Variants in PARM1 observed in about 807,000 individuals in gnomAD.
PARM1 encodes WSC4, cell wall integrity and stress response component 4 homolog.
A neutral mutation model predicts 24.6 loss-of-function variants in PARM1; 14 were observed. The ratio of observed to expected loss-of-function variants is 0.57; its 90% CI spans 0.38 to 0.89. PARM1 has a LOEUF of 0.89. Ranked by LOEUF, PARM1 falls within the 40% of genes least tolerant of loss-of-function variation. The pLI, the probability that PARM1 is intolerant of heterozygous loss-of-function variation, is 0.00. For synonymous variants in PARM1, 179 were observed against 156.6 expected (o/e 1.14, Z -1.07); for missense variants, 362 against 380.4 (o/e 0.95, Z 0.40).
chr4:74,992,817 T>C (rs1243042071), intron 1 of PARM1, among the ~76,000 whole-genome samples: 1 of 152,130 alleles, frequency 6.6e-6, no homozygotes, highest in Admixed American at 6.6e-5. Flanking sequence ...AATGCAGTTA[T>C]CAGATAAGCA....
At chr4:75,000,732 G>A (rs769096055) in intron 1 of PARM1, among the ~76,000 whole-genome samples, 2 of 152,242 alleles carry the variant, frequency 1.3e-5, no homozygotes, top group African/African-American at 4.8e-5. Flanking sequence ...GAAATGGATT[G>A]GAAGTGGCTG....
At position 74,989,282 on chromosome 4, in the gene PARM1, C is replaced by T. The variant is rs576161460; in HGVS notation, c.44-23143C>T. 3.1e-4 allele frequency among the ~76,000 whole-genome samples: 47 copies of T among 152,264 alleles called. No homozygotes were observed. In the South Asian group the frequency reaches 9.3e-3, roughly 30 times the overall value. On this transcript the variant is annotated intron_variant, in intron 1 of 3. Coordinates refer to ENST00000307428, the MANE Select transcript of PARM1 (RefSeq NM_015393.4). ...CTGCCCCTACTTCAGACAGCAATCC[C>T]AGGAACTAAGTTGCTATTTATACTT...
At chr4:74,999,368 C>A (rs1722635066) in intron 1 of PARM1, among the ~76,000 whole-genome samples, 1 of 152,160 alleles carries the variant, frequency 6.6e-6, no homozygotes. Flanking sequence ...ACAAAACAGA[C>A]CATCTGTGGG....
At chr4:74,996,343 T>A (rs769270654) in intron 1 of PARM1, among the ~76,000 whole-genome samples, 1 of 152,236 alleles carries the variant, frequency 6.6e-6, no homozygotes, top group Non-Finnish European at 1.5e-5. Context: ...GGGCTCTAAA[T>A]AATTTTTTAA....
At position 75,048,248 on chromosome 4, in the gene PARM1, G is replaced by C. The variant is rs1026611013; in HGVS notation, c.*2001G>C. On this transcript the variant is annotated 3_prime_UTR_variant, in exon 4 of 4. Transcript: ENST00000307428. ...ATTATTCCTAAACTCTCTAAGTGTGGACGGAGAATGAGCAAGCCCCAGAAG... is the reference window on the plus strand; with the variant it reads ...ATTATTCCTAAACTCTCTAAGTGTGCACGGAGAATGAGCAAGCCCCAGAAG... 1 of 152,158 alleles carries C rather than the reference G, an allele frequency of 6.6e-6. No individual in the cohort carries two copies. The highest frequency in any genetic ancestry group is 1.5e-5 in the Non-Finnish European group (1 of 68,040). 9.4% of individuals were successfully genotyped at this position (152,158 alleles called of 1,614,324 possible). A position where few individuals can be genotyped will look rare whatever the true frequency, so the allele number is the denominator to read the frequency against.
intron 1 of PARM1, among the ~76,000 whole-genome samples, chr4:74,951,338 G>A (rs1361992847): frequency 1.3e-5 from 2 of 152,210 alleles, no homozygotes; most frequent in African/African-American, 4.8e-5. Flanking sequence ...AGTTGCAGGA[G>A]ATGAAAATAG....
chr4:74,977,483 C>T (rs949179724), intron 1 of PARM1, among the ~76,000 whole-genome samples: 2 of 152,066 alleles, frequency 1.3e-5, no homozygotes, highest in African/African-American at 2.4e-5. Context: ...GCTGAACCTA[C>T]AACTAATGGG....
chr4:74,947,108 C>G (rs1018090442), intron 1 of PARM1, among the ~76,000 whole-genome samples: 1 of 152,228 alleles, frequency 6.6e-6, no homozygotes, highest in Non-Finnish European at 1.5e-5. Flanking sequence ...TGGCTGCCAA[C>G]ACCGTGGAGT....
At chr4:75,024,833 G>T (rs1723154085) in intron 2 of PARM1, among the ~76,000 whole-genome samples, 1 of 152,116 alleles carries the variant, frequency 6.6e-6, no homozygotes, top group South Asian at 2.1e-4. Flanking sequence ...TGAATAGCTG[G>T]AATTACAGGT....
intron 1 of PARM1, among the ~76,000 whole-genome samples, chr4:75,011,391 C>A (rs1205913673): frequency 6.6e-6 from 1 of 152,006 alleles, no homozygotes; most frequent in African/African-American, 2.4e-5. Flanking sequence ...TGAAGGGTGA[C>A]ATCTTGGTTT....
At chr4:75,006,072 T>C (rs990689320) in intron 1 of PARM1, among the ~76,000 whole-genome samples, 1 of 152,222 alleles carries the variant, frequency 6.6e-6, no homozygotes, top group Admixed American at 6.5e-5. Context: ...AAGGAAATAC[T>C]AATACTAATT....
chr4:74,947,912 G>A (rs1303686242), intron 1 of PARM1, among the ~76,000 whole-genome samples: 1 of 152,040 alleles, frequency 6.6e-6, no homozygotes. Flanking sequence ...ACTAGAGTTA[G>A]AACAAAAAAA....
chr4:74,975,161 GT>G (rs2109768032), intron 1 of PARM1, among the ~76,000 whole-genome samples: 1 of 152,298 alleles, frequency 6.6e-6, no homozygotes, highest in South Asian at 2.1e-4. Flanking sequence ...TTGGCATCCA[GT>G]TTTCGAAAGA....
chr4:75,036,404 C>G (rs1313148526), intron 3 of PARM1, among the ~76,000 whole-genome samples: 1 of 152,248 alleles, frequency 6.6e-6, no homozygotes, highest in Non-Finnish European at 1.5e-5. Context: ...ACTTCCAGCA[C>G]TGTGACCTGG....
intron 1 of PARM1, among the ~76,000 whole-genome samples, chr4:74,973,468 C>A (rs966920851): frequency 1.3e-5 from 2 of 149,176 alleles, no homozygotes; most frequent in South Asian, 2.2e-4. Context: ...CCCCCGCCCC[C>A]CTCACCGCCT....
chr4:75,010,456 A>G (rs560808557), intron 1 of PARM1, among the ~76,000 whole-genome samples: 1 of 152,378 alleles, frequency 6.6e-6, no homozygotes, highest in South Asian at 2.1e-4. Context: ...ATATGTATAT[A>G]TAGTTACTGC....
chr4:75,016,515 G>A (rs1722990443), intron 2 of PARM1, among the ~76,000 whole-genome samples: 1 of 152,150 alleles, frequency 6.6e-6, no homozygotes, highest in African/African-American at 2.4e-5. Flanking sequence ...CACCCAGGTA[G>A]TGATCACAGT....
At chr4:75,018,842 G>A (rs1281030381) in intron 2 of PARM1, among the ~76,000 whole-genome samples, 1 of 152,178 alleles carries the variant, frequency 6.6e-6, no homozygotes, top group Non-Finnish European at 1.5e-5. Context: ...GACCAGACCA[G>A]GATTGAAATC....
intron 2 of PARM1, among the ~76,000 whole-genome samples, chr4:75,029,484 AT>A (rs950199268): frequency 2.0e-5 from 3 of 152,160 alleles, no homozygotes; most frequent in Non-Finnish European, 2.9e-5. Context: ...TGATGGTTTT[AT>A]AAAAAGAAGT....
Sources: gnomAD v4.1 joint callset for allele counts (sites outside exome capture counted in the v4.1 genomes callset) on GRCh38, gnomAD v4.1.1 for gene constraint, MANE v1.5 for transcripts, NCBI Gene and HGNC (gene_info 2026-07-23, HGNC 2026-07-21) for gene names.